The following GRAMD4 variants were observed in gnomAD, a reference collection of about 807,000 sequenced individuals.
The protein encoded by GRAMD4 is GRAM domain-containing protein 4.
GRAMD4 carries 25 observed loss-of-function variants against 83.9 expected under a neutral mutation model. The observed-to-expected ratio is 0.30, with a 90% CI of 0.22 to 0.42. The LOEUF (loss-of-function observed/expected upper bound fraction) is 0.42. Among genes scored for constraint, GRAMD4 ranks in the 10% least tolerant of loss-of-function variants. The probability of loss-of-function intolerance (pLI) is 1.00; values close to 1 mark genes in which losing one functional copy is unlikely to be tolerated. For missense variants in GRAMD4, 593 were observed against 788.7 expected, an observed-to-expected ratio of 0.75 and a Z score of 2.97; for synonymous variants, 336 against 320.9, an observed-to-expected ratio of 1.05 and a Z score of -0.50.
intron 1 of GRAMD4, among the ~76,000 whole-genome samples, chr22:46,581,800 A>G (rs904529413): frequency 1.3e-5 from 2 of 152,232 alleles, no homozygotes; most frequent in African/African-American, 4.8e-5. Context: ...TAAGCCCCAT[A>G]TGCACGGGGG....
intron 1 of GRAMD4, among the ~76,000 whole-genome samples, chr22:46,613,876 TC>T (rs377669635): frequency 3.7e-4 from 56 of 152,010 alleles, no homozygotes; most frequent in African/African-American, 1.3e-3. Flanking sequence ...GACCTCACCT[TC>T]TATTTCACGC....
chr22:46,660,144 G>A (rs907053720), intron 4 of GRAMD4, among the ~76,000 whole-genome samples: 2 of 152,196 alleles, frequency 1.3e-5, no homozygotes, highest in Non-Finnish European at 2.9e-5. Context: ...GGTGGCAGGT[G>A]TGCCCAGCCC....
chr22:46,591,058 T>TAAAAAG (rs1555952162), intron 1 of GRAMD4, among the ~76,000 whole-genome samples: 2,642 of 84,466 alleles, frequency 0.031, 87 homozygotes, highest in African/African-American at 0.15. Context: ...AGACTCTGTC[T>TAAAAAG]AAAAAGAAAA....
intron 2 of GRAMD4, among the ~76,000 whole-genome samples, chr22:46,631,006 C>A (rs935858637): frequency 5.3e-5 from 8 of 152,224 alleles, no homozygotes; most frequent in African/African-American, 1.9e-4. Context: ...ACCCCGGCCT[C>A]CACGCTGTTC....
At chr22:46,599,299 T>C (rs2081290345) in intron 1 of GRAMD4, among the ~76,000 whole-genome samples, 1 of 152,030 alleles carries the variant, frequency 6.6e-6, no homozygotes, top group African/African-American at 2.4e-5. Context: ...GGTCGTTTCA[T>C]AGTTGTGCTT....
intron 1 of GRAMD4, 87 bp from the exon 2 acceptor site, chr22:46,626,664 C>A: frequency 1.3e-6 from 1 of 784,372 alleles, no homozygotes; most frequent in Non-Finnish European, 2.0e-6. Flanking sequence ...CTTTGGAAAG[C>A]TGGACCGGCT....
chr22:46,674,840 A>G lies in GRAMD4; in HGVS notation c.1478+90A>G, dbSNP rs922985596. 15 of 931,754 alleles carry G rather than the reference A, an allele frequency of 1.6e-5. No individual in the cohort carries two copies. In the African/African-American group the frequency reaches 2.3e-4, roughly 14 times the overall value. The allele number at this position is 931,754 out of a possible 1,614,324, so 57.7% of individuals were successfully genotyped here. On this transcript the variant is annotated intron_variant, in intron 16 of 18. Transcript: ENST00000406902. ...TGGGATGGCGTGGCTGGCCCAGTGC[A>G]GGTTTTCCTGAGTGGTGGCCATGGC...
rs551885483 is a variant in GRAMD4, at chr22:46,584,355, C to T, written c.-50+7065C>T. ...GCAAGGAAATGCACGTGTGAGCTGA[C>T]GCGCACATATGTACGTGTCTCTGCC... On this transcript the variant is annotated intron_variant, in intron 1 of 1. Transcript: ENST00000431155. Among the ~76,000 whole-genome samples the T allele has an allele frequency of 5.0e-4, 76 of 152,256 alleles. 1 individual carries two copies. The highest frequency in any genetic ancestry group is 1.6e-3 in the African/African-American group (68 of 41,540).
intron 5 of GRAMD4, among the ~76,000 whole-genome samples, chr22:46,661,758 G>A (rs1022347885): frequency 3.3e-5 from 5 of 152,244 alleles, no homozygotes; most frequent in South Asian, 4.1e-4. Flanking sequence ...CTTGCCCCAC[G>A]GAACAGTGAT....
intron 1 of GRAMD4, among the ~76,000 whole-genome samples, chr22:46,609,746 G>T (rs1191328040): frequency 1.3e-5 from 2 of 152,250 alleles, no homozygotes; most frequent in African/African-American, 2.4e-5. Flanking sequence ...GGTCTGCAGA[G>T]CATCCCACCG....
At chr22:46,584,362 A>G (rs893757468) in intron 1 of GRAMD4, among the ~76,000 whole-genome samples, 3 of 152,126 alleles carry the variant, frequency 2.0e-5, no homozygotes, top group Non-Finnish European at 4.4e-5. Context: ...TGACGCGCAC[A>G]TATGTACGTG....
intron 8 of GRAMD4, among the ~76,000 whole-genome samples, chr22:46,665,396 C>T (rs2147363092): frequency 6.6e-6 from 1 of 152,374 alleles, no homozygotes; most frequent in Non-Finnish European, 1.5e-5. Flanking sequence ...ACACGCTTCT[C>T]CCTAGGTGTC....
chr22:46,669,108 A>T (rs2082459313), intron 13 of GRAMD4, among the ~76,000 whole-genome samples, 200 bp downstream of exon 13: 1 of 152,070 alleles, frequency 6.6e-6, no homozygotes, highest in South Asian at 2.1e-4. Flanking sequence ...TCTTAAATCA[A>T]GAAGCCCTCC....
At chr22:46,660,469 CACACAAACATGCAG>C (rs2082310608) in intron 4 of GRAMD4, among the ~76,000 whole-genome samples, 1 of 152,078 alleles carries the variant, frequency 6.6e-6, no homozygotes, top group African/African-American at 2.4e-5. Flanking sequence ...TGTGAGGGCA[CACACAAACATGCAG>C]ACACATGTGC....
At chr22:46,614,114 T>G (rs1601559749) in intron 1 of GRAMD4, among the ~76,000 whole-genome samples, 1 of 152,236 alleles carries the variant, frequency 6.6e-6, no homozygotes, top group East Asian at 1.9e-4. Flanking sequence ...ATCAATTATG[T>G]TGAAAGCAAA....
intron 9 of GRAMD4, among the ~76,000 whole-genome samples, chr22:46,665,908 CA>C (rs2082401660): frequency 6.6e-6 from 1 of 152,222 alleles, no homozygotes; most frequent in Non-Finnish European, 1.5e-5. Flanking sequence ...GGGAAGTTCC[CA>C]AATCCCCCAG....
chr22:46,652,658 C>T (rs1445528432), intron 3 of GRAMD4, among the ~76,000 whole-genome samples: 2 of 152,176 alleles, frequency 1.3e-5, no homozygotes, highest in African/African-American at 4.8e-5. Context: ...GTGAGCAGCT[C>T]GGGGCACAAG....
In GRAMD4 at chr22:46,622,435, C is replaced by G. The variant is rs2081589027; in HGVS notation, c.-50+1870C>G. On this transcript the variant is annotated intron_variant, in intron 1 of 18. Transcript: ENST00000406902. This position sits in a 1 kb window ranked among gnomAD's most constrained non-coding sequence, Gnocchi z 4.0. ...AAGTAGGTTTTACATTGCTACACTT[C>G]CCCTAGCCCGTTCATCCTTCCTTTT... 6.6e-6 allele frequency among the ~76,000 whole-genome samples: 1 copy of G among 152,208 alleles called. No individual in the cohort carries two copies. Among genetic ancestry groups the G allele is most frequent in the Admixed American group, 6.5e-5 (1 of 15,282 alleles).
intron 1 of GRAMD4, among the ~76,000 whole-genome samples, chr22:46,590,223 G>A (rs1378654491): frequency 6.6e-6 from 1 of 152,182 alleles, no homozygotes; most frequent in Non-Finnish European, 1.5e-5. Flanking sequence ...CAGAGGGGCG[G>A]AGCTGGGAGT....
Sources: allele counts gnomAD v4.1 joint callset (sites outside exome capture counted in the v4.1 genomes callset), GRCh38; gene constraint gnomAD v4.1.1; non-coding constraint Gnocchi (gnomAD v3.1); transcripts MANE v1.5; gene names NCBI Gene and HGNC (gene_info 2026-07-23, HGNC 2026-07-21).